Variants in MAP7 observed in about 807,000 individuals in gnomAD.
MAP7 encodes the protein ensconsin.
Under a neutral mutation model 94.8 loss-of-function variants are expected in MAP7, and 52 were observed. The observed-to-expected ratio is 0.55, with a 90% CI of 0.44 to 0.69. The LOEUF (loss-of-function observed/expected upper bound fraction) is 0.69, where lower values mean the gene tolerates loss of function less well. MAP7 is among the 30% of genes least tolerant of loss of function. The probability of loss-of-function intolerance (pLI) is 0.00; values close to 1 mark genes in which losing one functional copy is unlikely to be tolerated. For missense variants in MAP7, 940 were observed against 964.6 expected, an observed-to-expected ratio of 0.97 and a Z score of 0.34; for synonymous variants, 350 against 357.0, an observed-to-expected ratio of 0.98 and a Z score of 0.22.
intron 1 of MAP7, among the ~76,000 whole-genome samples, chr6:136,530,951 T>C (rs1294315923): frequency 2.1e-5 from 3 of 144,826 alleles, no homozygotes; most frequent in Non-Finnish European, 4.4e-5. Flanking sequence ...CATTTTCCCA[T>C]GTCTGCTCTA....
chr6:136,549,484 G>A (rs2129064248), intron 1 of MAP7, among the ~76,000 whole-genome samples: 1 of 152,188 alleles, frequency 6.6e-6, no homozygotes, highest in East Asian at 1.9e-4. Flanking sequence ...AGAGATGGGC[G>A]GGGTTGGGAA....
At chr6:136,346,198 C>A in intron 16 of MAP7, 119 bp from the exon 17 acceptor site, 1 of 624,672 alleles carries the variant, frequency 1.6e-6, no homozygotes. Context: ...TTAAAAAAAT[C>A]AGACTGGTGA....
chr6:136,489,939 C>T (rs555557217), intron 1 of MAP7, among the ~76,000 whole-genome samples: 3 of 152,270 alleles, frequency 2.0e-5, no homozygotes, highest in African/African-American at 7.2e-5. Flanking sequence ...CACAGAGATT[C>T]ATAAGACACT....
chr6:136,417,758 A>G (rs1789975056), intron 2 of MAP7, among the ~76,000 whole-genome samples: 1 of 152,194 alleles, frequency 6.6e-6, no homozygotes, highest in Non-Finnish European at 1.5e-5. Flanking sequence ...CATGGCAGCT[A>G]CAGTCATTAC....
intron 1 of MAP7, among the ~76,000 whole-genome samples, chr6:136,437,796 C>A (rs952160581): frequency 2.6e-4 from 40 of 152,214 alleles, no homozygotes; most frequent in Non-Finnish European, 5.7e-4. Context: ...CTTGACTTTA[C>A]CAAAAAGCTT....
chr6:136,536,245 T>C (rs1828880241), intron 1 of MAP7, among the ~76,000 whole-genome samples: 1 of 152,210 alleles, frequency 6.6e-6, no homozygotes, highest in Admixed American at 6.5e-5. Flanking sequence ...TTTTTTTGTT[T>C]TTTGTTTTTT....
chr6:136,492,076 G>A (rs1187636131), intron 1 of MAP7, among the ~76,000 whole-genome samples: 1 of 152,148 alleles, frequency 6.6e-6, no homozygotes, highest in Non-Finnish European at 1.5e-5. Context: ...ATGCAAGACA[G>A]AGGTCCCCTC....
At chr6:136,495,453 TACAC>T (rs55923280) in intron 1 of MAP7, among the ~76,000 whole-genome samples, 19,803 of 142,910 alleles carry the variant, frequency 0.14, 1,388 homozygotes, top group East Asian at 0.22. Context: ...AGTGTGAGAA[TACAC>T]ACACACACAC....
chr6:136,473,890 C>T (rs12191377), intron 1 of MAP7, among the ~76,000 whole-genome samples: 35,687 of 151,932 alleles, frequency 0.23, 5,055 homozygotes, highest in Non-Finnish European at 0.31. Context: ...TTCTTCAAGA[C>T]GCTTACATCC....
intron 1 of MAP7, among the ~76,000 whole-genome samples, chr6:136,439,477 T>C (rs1288774057): frequency 1.3e-5 from 2 of 152,156 alleles, no homozygotes; most frequent in East Asian, 3.9e-4. Flanking sequence ...TTTTTGTTAT[T>C]AGCAGCATAA....
chr6:136,423,584 G>C (rs1206310485), intron 1 of MAP7, among the ~76,000 whole-genome samples: 1 of 152,042 alleles, frequency 6.6e-6, no homozygotes, highest in African/African-American at 2.4e-5. Context: ...GTGCTCTCAG[G>C]TAGGATGAAC....
chr6:136,380,424 T>C (rs1021129531), intron 6 of MAP7, among the ~76,000 whole-genome samples: 1 of 152,228 alleles, frequency 6.6e-6, no homozygotes, highest in Non-Finnish European at 1.5e-5. Flanking sequence ...CAATTAATTC[T>C]AATTAAAACA....
In MAP7 at chr6:136,343,429, AATC is replaced by A. The variant is rs1786936431; in HGVS notation, c.*796_*798del. ...CATACAGACTTCAGAAATAGCCCTGAATCATCAGTAACATTCTATCGTGGTAAC... is the reference window on the plus strand; with the variant it reads ...CATACAGACTTCAGAAATAGCCCTGAATCAGTAACATTCTATCGTGGTAAC... On this transcript the variant is annotated 3_prime_UTR_variant, in exon 18 of 18. Transcript: ENST00000354570. The A allele has an allele frequency of 6.5e-6, 1 of 152,682 alleles. No homozygotes were observed. The highest frequency in any genetic ancestry group is 1.5e-5 in the Non-Finnish European group (1 of 68,042). The allele number at this position is 152,682 out of a possible 1,614,324, so 9.5% of individuals were successfully genotyped here. A position where few individuals can be genotyped will look rare whatever the true frequency, so the allele number is the denominator to read the frequency against.
At chr6:136,377,973 C>T in intron 6 of MAP7, 105 bp from the exon 7 acceptor site, 1 of 723,806 alleles carries the variant, frequency 1.4e-6, no homozygotes, top group Non-Finnish European at 2.3e-6. Flanking sequence ...TTCACAGGAC[C>T]AGGCTCTGCA....
intron 1 of MAP7, among the ~76,000 whole-genome samples, chr6:136,427,211 C>T (rs2128793345): frequency 6.6e-6 from 1 of 152,312 alleles, no homozygotes. Flanking sequence ...TATATAGGGA[C>T]CCTCCACCGG....
intron 2 of MAP7, among the ~76,000 whole-genome samples, chr6:136,416,572 G>A (rs550119286): frequency 7.9e-5 from 12 of 152,120 alleles, no homozygotes; most frequent in East Asian, 1.9e-4. Flanking sequence ...TTGGGAGGAC[G>A]AGGCAGGCGA....
chr6:136,483,176 T>C (rs1039457115), intron 1 of MAP7, among the ~76,000 whole-genome samples: 6 of 146,928 alleles, frequency 4.1e-5, no homozygotes, highest in Admixed American at 3.4e-4. Context: ...ATATACACCA[T>C]GGAATACTAT....
chr6:136,450,215 C>A (rs1396799426), intron 1 of MAP7, among the ~76,000 whole-genome samples: 4 of 152,094 alleles, frequency 2.6e-5, no homozygotes, highest in Non-Finnish European at 5.9e-5. Context: ...CATTTGGCTT[C>A]TGTATAAGCC....
intron 4 of MAP7, 41 bp downstream of exon 4, chr6:136,389,313 A>G (rs772867644): frequency 7.9e-6 from 12 of 1,510,680 alleles, no homozygotes; most frequent in Non-Finnish European, 9.7e-6. Context: ...GCATGTCTGA[A>G]CTAGAGGAGC....
Sources: allele counts gnomAD v4.1 joint callset (sites outside exome capture counted in the v4.1 genomes callset), GRCh38; gene constraint gnomAD v4.1.1; transcripts MANE v1.5; gene names NCBI Gene and HGNC (gene_info 2026-07-23, HGNC 2026-07-21).